The following DNM3 variants were observed in gnomAD, a reference collection of about 807,000 sequenced individuals.
DNM3 encodes the protein dynamin 3, also known as dynamin-3.
A neutral mutation model predicts 101.6 loss-of-function variants in DNM3; 47 were observed. That is an observed-to-expected ratio of 0.46 (90% CI 0.37 to 0.59). The LOEUF (loss-of-function observed/expected upper bound fraction) is 0.59. Among genes scored for constraint, DNM3 ranks in the 20% least tolerant of loss-of-function variants. DNM3 has a pLI of 0.00. For missense variants in DNM3, 849 were observed against 1,085.7 expected, an observed-to-expected ratio of 0.78 and a Z score of 3.06; for synonymous variants, 385 against 387.9, an observed-to-expected ratio of 0.99 and a Z score of 0.09.
At chr1:172,407,372 A>G (rs1482568985) in intron 20 of DNM3, among the ~76,000 whole-genome samples, 2 of 152,124 alleles carry the variant, frequency 1.3e-5, no homozygotes, top group African/African-American at 4.8e-5. Flanking sequence ...AAGAAAAAGG[A>G]AAATTATATG....
intron 14 of DNM3, among the ~76,000 whole-genome samples, chr1:172,175,175 A>G (rs1282240287): frequency 6.6e-5 from 10 of 151,802 alleles, no homozygotes. Context: ...GGAGATGAGT[A>G]TGACTGGATC....
chr1:172,265,495 GCAT>G (rs1557902645), intron 15 of DNM3, among the ~76,000 whole-genome samples: 1 of 152,116 alleles, frequency 6.6e-6, no homozygotes, highest in Non-Finnish European at 1.5e-5. Flanking sequence ...TTTAAAGATG[GCAT>G]CATAGATATC....
Position 172,127,647 on chromosome 1 carries a change from G to C in DNM3, c.1546-3528G>C, listed in dbSNP as rs138281513. On this transcript the variant is annotated intron_variant, in intron 13 of 20. Coordinates refer to ENST00000627582, the MANE Select transcript of DNM3 (RefSeq NM_015569.5). ...GATGGTCTCGATCCCCTGACCTCGT[G>C]ATACACCCACCTCAGCCTCCCAAAG... 3.1e-3 allele frequency among the ~76,000 whole-genome samples: 465 copies of C among 152,000 alleles called. 2 individuals carry two copies. The highest frequency in any genetic ancestry group is 0.01 in the African/African-American group (419 of 41,460).
chr1:172,288,909 T>C (rs950557573), intron 15 of DNM3, among the ~76,000 whole-genome samples: 3 of 152,188 alleles, frequency 2.0e-5, no homozygotes, highest in East Asian at 3.8e-4. Context: ...GTATTTCTCA[T>C]AGAAAGTTAT....
intron 20 of DNM3, among the ~76,000 whole-genome samples, chr1:172,402,196 A>G (rs16844392): frequency 0.017 from 2,529 of 151,040 alleles, 80 homozygotes; most frequent in African/African-American, 0.058. Flanking sequence ...GCAAGCATTA[A>G]ATGATTCAAG....
intron 14 of DNM3, among the ~76,000 whole-genome samples, chr1:172,251,700 A>T (rs1159645022): frequency 6.6e-6 from 1 of 152,162 alleles, no homozygotes; most frequent in African/African-American, 2.4e-5. Context: ...CAAGCCAAGG[A>T]CATTGTGTTC....
intron 15 of DNM3, among the ~76,000 whole-genome samples, chr1:172,255,922 T>C (rs967869666): frequency 2.0e-5 from 3 of 152,172 alleles, no homozygotes; most frequent in Non-Finnish European, 4.4e-5. Context: ...TCTGTTTTCA[T>C]TTTTAAATCA....
chr1:172,202,094 G>C (rs2060175337), intron 14 of DNM3, among the ~76,000 whole-genome samples: 1 of 152,040 alleles, frequency 6.6e-6, no homozygotes, highest in Non-Finnish European at 1.5e-5. Flanking sequence ...TGAGTACCTG[G>C]ATGTTTCAGT....
chr1:172,334,436 C>G (rs149319862), intron 17 of DNM3, among the ~76,000 whole-genome samples: 176 of 152,248 alleles, frequency 1.2e-3, no homozygotes, highest in African/African-American at 4.1e-3. Context: ...CTATGATGCA[C>G]AGGACATCCT....
intron 10 of DNM3, among the ~76,000 whole-genome samples, chr1:172,051,000 A>C (rs534762075): frequency 6.6e-6 from 1 of 151,992 alleles, no homozygotes; most frequent in Non-Finnish European, 1.5e-5. Flanking sequence ...CTTGCTCTCT[A>C]CCCTTTCCAT....
At chr1:172,071,086 C>CATATAT (rs56255511) in intron 11 of DNM3, among the ~76,000 whole-genome samples, 1,780 of 64,990 alleles carry the variant, frequency 0.027, 76 homozygotes, top group Admixed American at 0.053. Flanking sequence ...CAAGACCCTG[C>CATATAT]ATATATATAT....
intron 15 of DNM3, among the ~76,000 whole-genome samples, chr1:172,282,753 A>C (rs2063538290): frequency 6.6e-6 from 1 of 152,170 alleles, no homozygotes; most frequent in Non-Finnish European, 1.5e-5. Flanking sequence ...CTCTACTTGG[A>C]GAGAGTCTTA....
intron 20 of DNM3, 25 bp downstream of exon 20, chr1:172,388,834 G>A (rs2069354763): frequency 6.6e-7 from 1 of 1,520,610 alleles, no homozygotes; most frequent in Non-Finnish European, 8.9e-7. Flanking sequence ...AGAAATTGGG[G>A]GGGTAGTGCG....
intron 11 of DNM3, among the ~76,000 whole-genome samples, chr1:172,076,776 C>CT (rs1307929137): frequency 6.6e-6 from 1 of 152,088 alleles, no homozygotes; most frequent in South Asian, 2.1e-4. Context: ...CTGAAATTTT[C>CT]TTTTTTGTGT....
intron 13 of DNM3, among the ~76,000 whole-genome samples, chr1:172,116,963 TG>T (rs2055944452): frequency 6.6e-6 from 1 of 152,056 alleles, no homozygotes; most frequent in Admixed American, 6.5e-5. Context: ...CCCATCACTT[TG>T]GGAGGCTGAG....
intron 1 of DNM3, among the ~76,000 whole-genome samples, chr1:171,909,473 A>T (rs188485562): frequency 6.6e-6 from 1 of 151,816 alleles, no homozygotes; most frequent in East Asian, 1.9e-4. Flanking sequence ...GTGGAATCAG[A>T]TTCTGTGAAG....
rs576329046 is a variant in DNM3, at chr1:172,044,563, A to G, written c.1196+111A>G. The G allele has an allele frequency of 3.6e-6, 3 of 836,086 alleles. No homozygotes were observed. In the East Asian group the frequency reaches 8.3e-5, roughly 23 times the overall value. 51.8% of individuals were successfully genotyped at this position (836,086 alleles called of 1,614,324 possible). A position where few individuals can be genotyped will look rare whatever the true frequency, so the allele number is the denominator to read the frequency against. On this transcript the variant is annotated intron_variant, in intron 9 of 20. Coordinates refer to ENST00000627582, the MANE Select transcript of DNM3 (RefSeq NM_015569.5). ...CATCATTGAATAGGGTAGAATACAG[A>G]GGTGGGAGTAAGAAACAGGAAATCC...
Position 171,919,086 on chromosome 1 carries a change from A to C in DNM3, c.162-2662A>C, listed in dbSNP as rs183661771. ...TTCCTTGGCATTTTATACATCCTAA[A>C]ATTTCACTCATGGTCCTCACGGCTC... is the stretch of plus-strand genomic sequence containing the variant. On this transcript the variant is annotated intron_variant, in intron 1 of 20. Transcript: ENST00000627582. Among the ~76,000 whole-genome samples the C allele has an allele frequency of 5.3e-5, 8 of 152,226 alleles. No homozygotes were observed. In the East Asian group the frequency reaches 1.5e-3, roughly 29 times the overall value.
intron 14 of DNM3, among the ~76,000 whole-genome samples, chr1:172,192,915 T>C: frequency 6.6e-6 from 1 of 151,456 alleles, no homozygotes; most frequent in Non-Finnish European, 1.5e-5. Flanking sequence ...CTGGGTCAAA[T>C]GGTATTTCTA....
Sources: gnomAD v4.1 joint callset for allele counts (sites outside exome capture counted in the v4.1 genomes callset) on GRCh38, gnomAD v4.1.1 for gene constraint, MANE v1.5 for transcripts, NCBI Gene and HGNC (gene_info 2026-07-23, HGNC 2026-07-21) for gene names.